SPIDR: variants seen among roughly 807,000 people sequenced by gnomAD.
SPIDR encodes DNA repair-scaffolding protein.
In SPIDR, 93 loss-of-function variants were observed where a neutral mutation model predicts 104.6. The observed-to-expected ratio is 0.89, with a 90% CI of 0.75 to 1.06. SPIDR has a LOEUF of 1.06. SPIDR is among the 50% of genes least tolerant of loss of function. SPIDR has a pLI of 0.00. For missense variants in SPIDR, 1,154 were observed against 1,111.2 expected, an observed-to-expected ratio of 1.04 and a Z score of -0.55; for synonymous variants, 431 against 416.9, an observed-to-expected ratio of 1.03 and a Z score of -0.41.
At chr8:47,538,555 C>G (rs1477485044) in intron 8 of SPIDR, among the ~76,000 whole-genome samples, 1 of 151,928 alleles carries the variant, frequency 6.6e-6, no homozygotes, top group South Asian at 2.1e-4. Context: ...AAAAAAAGAA[C>G]AAAGTAAGTA....
intron 14 of SPIDR, among the ~76,000 whole-genome samples, chr8:47,708,811 G>T (rs1433560357): frequency 6.6e-6 from 1 of 152,118 alleles, no homozygotes; most frequent in Non-Finnish European, 1.5e-5. Flanking sequence ...TTAATAATAT[G>T]CATTTAAGTT....
chr8:47,324,420 A>C (rs1384947136), intron 5 of SPIDR, among the ~76,000 whole-genome samples: 7 of 152,108 alleles, frequency 4.6e-5, no homozygotes, highest in African/African-American at 1.7e-4. Flanking sequence ...TCTACATTTA[A>C]ATAAACAGCA....
chr8:47,632,338 A>AATGCAAG (rs1247372474), intron 10 of SPIDR, among the ~76,000 whole-genome samples: 1 of 152,062 alleles, frequency 6.6e-6, no homozygotes, highest in Non-Finnish European at 1.5e-5. Context: ...CAAAATGCAA[A>AATGCAAG]ATGCAAGCAA....
chr8:47,350,009 G>C (rs1477225897), intron 5 of SPIDR, among the ~76,000 whole-genome samples: 1 of 152,150 alleles, frequency 6.6e-6, no homozygotes, highest in Non-Finnish European at 1.5e-5. Context: ...AGATGAACCC[G>C]GTACCTCCTT....
At chr8:47,381,235 G>A (rs2059291618) in intron 5 of SPIDR, among the ~76,000 whole-genome samples, 2 of 152,144 alleles carry the variant, frequency 1.3e-5, no homozygotes, top group African/African-American at 2.4e-5. Context: ...CTCAGTTAAT[G>A]TGTTACATGA....
intron 8 of SPIDR, among the ~76,000 whole-genome samples, chr8:47,589,920 C>G (rs2060785137): frequency 6.6e-6 from 1 of 152,090 alleles, no homozygotes; most frequent in African/African-American, 2.4e-5. Flanking sequence ...GTAATCCCAG[C>G]ACTTTGAGAG....
chr8:47,365,428 T>A (rs1229461268), intron 5 of SPIDR, among the ~76,000 whole-genome samples: 2 of 152,228 alleles, frequency 1.3e-5, no homozygotes, highest in Non-Finnish European at 2.9e-5. Context: ...ATGCACATCT[T>A]AGCATGCCTC....
intron 8 of SPIDR, among the ~76,000 whole-genome samples, chr8:47,571,579 A>G (rs995495574): frequency 1.3e-5 from 2 of 152,234 alleles, no homozygotes; most frequent in Non-Finnish European, 1.5e-5. Flanking sequence ...TAATTAATAT[A>G]TAAAATACAA....
intron 5 of SPIDR, among the ~76,000 whole-genome samples, chr8:47,305,517 A>G (rs2042947986): frequency 6.6e-6 from 1 of 152,248 alleles, no homozygotes; most frequent in South Asian, 2.1e-4. Flanking sequence ...AGAAGATGGA[A>G]TTACGGAAAA....
At chr8:47,349,801 G>A (rs2053063601) in intron 5 of SPIDR, among the ~76,000 whole-genome samples, 1 of 152,236 alleles carries the variant, frequency 6.6e-6, no homozygotes, top group Non-Finnish European at 1.5e-5. Flanking sequence ...ATGTCCTGGT[G>A]TGCTGTTTGC....
intron 8 of SPIDR, among the ~76,000 whole-genome samples, chr8:47,490,941 A>G (rs531377241): frequency 3.8e-4 from 58 of 152,310 alleles, no homozygotes; most frequent in Non-Finnish European, 8.4e-4. Flanking sequence ...ACATGTATAC[A>G]TATGTAACAA....
intron 8 of SPIDR, among the ~76,000 whole-genome samples, chr8:47,524,504 CA>C (rs1441108358): frequency 6.6e-6 from 1 of 152,138 alleles, no homozygotes; most frequent in Non-Finnish European, 1.5e-5. Flanking sequence ...CTCTCCTGAC[CA>C]CCCCCGAGGA....
intron 11 of SPIDR, among the ~76,000 whole-genome samples, chr8:47,677,453 T>C (rs2076587495): frequency 6.6e-6 from 1 of 152,226 alleles, no homozygotes; most frequent in African/African-American, 2.4e-5. Context: ...AAAAATCTGG[T>C]ATTTATTTCC....
intron 10 of SPIDR, chr8:47,654,009 A>C (rs908583941): frequency 1.6e-6 from 2 of 1,286,800 alleles, no homozygotes; most frequent in Non-Finnish European, 2.0e-6. Flanking sequence ...GGCAAGGACT[A>C]TCAGATTCCA....
At chr8:47,405,203 A>C (rs1380266247) in intron 6 of SPIDR, among the ~76,000 whole-genome samples, 1 of 150,746 alleles carries the variant, frequency 6.6e-6, no homozygotes, top group East Asian at 2.0e-4. Flanking sequence ...GGGGCCTGTC[A>C]TGTGGTGGGG....
rs541590200 is a variant in SPIDR, at chr8:47,403,221, A to G, written c.777-4640A>G. Among the ~76,000 whole-genome samples, 38 of 152,370 alleles carry G rather than the reference A, an allele frequency of 2.5e-4. 3 individuals carry two copies. The South Asian group carries it at 7.9e-3, about 32-fold the overall frequency. On this transcript the variant is annotated intron_variant, in intron 6 of 19. Transcript: ENST00000297423. ...GACATATCTCAAAATAATAAGAGGTATTTATGACAAACCCACAGCCAATAT... is the reference window on the plus strand; with the variant it reads ...GACATATCTCAAAATAATAAGAGGTGTTTATGACAAACCCACAGCCAATAT...
intron 7 of SPIDR, among the ~76,000 whole-genome samples, chr8:47,421,602 T>C (rs1409915368): frequency 6.6e-6 from 1 of 152,238 alleles, no homozygotes; most frequent in Non-Finnish European, 1.5e-5. Flanking sequence ...AGCCTTCTTC[T>C]CTCAACTTGT....
rs1422745182 is a variant in SPIDR at position 47,576,292 on chromosome 8, C to T, written c.1098-19519C>T. 3.3e-5 allele frequency among the ~76,000 whole-genome samples: 5 copies of T among 152,310 alleles called. No homozygotes were observed. The East Asian group carries it at 9.7e-4, about 29-fold the overall frequency. On this transcript the variant is annotated intron_variant, in intron 8 of 19. Coordinates refer to ENST00000297423, the MANE Select transcript of SPIDR (RefSeq NM_001080394.4). ...TCAGCCTCCAGAGCAGCTAGGATTA[C>T]AGGCACATGCCACCACACCCAGCTA...
chr8:47,523,492 A>G (rs896506110), intron 8 of SPIDR, among the ~76,000 whole-genome samples: 6 of 152,164 alleles, frequency 3.9e-5, no homozygotes, highest in Non-Finnish European at 7.4e-5. Flanking sequence ...GGAGAGTGCA[A>G]AGGTGTAACT....
Sources: gnomAD v4.1 joint callset for allele counts (sites outside exome capture counted in the v4.1 genomes callset) on GRCh38, gnomAD v4.1.1 for gene constraint, MANE v1.5 for transcripts, NCBI Gene and HGNC (gene_info 2026-07-23, HGNC 2026-07-21) for gene names.